Variants in ILRUN observed in about 807,000 individuals in gnomAD.
ILRUN encodes the protein protein ILRUN.
Under a neutral mutation model 33.8 loss-of-function variants are expected in ILRUN, and 3 were observed. The observed-to-expected ratio is 0.09, with a 90% CI of 0.04 to 0.23. The LOEUF (loss-of-function observed/expected upper bound fraction) is 0.23. Among genes scored for constraint, ILRUN ranks in the 10% least tolerant of loss-of-function variants. ILRUN has a pLI of 1.00. For synonymous variants in ILRUN, 124 were observed against 138.9 expected (o/e 0.89, Z 0.75); for missense variants, 210 against 375.1 (o/e 0.56, Z 3.64).
At chr6:34,624,125 C>T (rs1221001767) in intron 3 of ILRUN, among the ~76,000 whole-genome samples, 1 of 152,166 alleles carries the variant, frequency 6.6e-6, no homozygotes, top group African/African-American at 2.4e-5. Flanking sequence ...AGCCACCATG[C>T]CCAGCCTCCT....
At chr6:34,598,996 CCACA>C (rs1404354330) in intron 4 of ILRUN, among the ~76,000 whole-genome samples, 1 of 152,168 alleles carries the variant, frequency 6.6e-6, no homozygotes, top group African/African-American at 2.4e-5. Flanking sequence ...TTCTTACCGG[CCACA>C]CATTCTTTTG....
At chr6:34,600,301 T>C (rs1039655690) in intron 4 of ILRUN, among the ~76,000 whole-genome samples, 13 of 152,348 alleles carry the variant, frequency 8.5e-5, no homozygotes, top group African/African-American at 3.1e-4. Flanking sequence ...CTCCAGGCAC[T>C]GGCCTCCTTG....
At chr6:34,602,816 TTTGCGTTG>T (rs1387949337) in intron 4 of ILRUN, among the ~76,000 whole-genome samples, 2 of 152,168 alleles carry the variant, frequency 1.3e-5, no homozygotes, top group East Asian at 3.8e-4. Flanking sequence ...GAGAAGCCCC[TTTGCGTTG>T]TGGGATGCAG....
chr6:34,618,425 C>A (rs868696203), intron 3 of ILRUN, among the ~76,000 whole-genome samples: 11 of 152,268 alleles, frequency 7.2e-5, no homozygotes, highest in African/African-American at 2.6e-4. Context: ...AACACCTAAA[C>A]CCTAATTATT....
intron 1 of ILRUN, among the ~76,000 whole-genome samples, chr6:34,662,159 A>G (rs1582089645): frequency 1.7e-5 from 2 of 119,358 alleles, no homozygotes; most frequent in East Asian, 2.4e-4. Flanking sequence ...AAAAAAAATT[A>G]GCTGGGCGTG....
intron 4 of ILRUN, among the ~76,000 whole-genome samples, chr6:34,603,202 TCCTCCCTA>T (rs1761552236): frequency 6.6e-6 from 1 of 152,024 alleles, no homozygotes; most frequent in Non-Finnish European, 1.5e-5. Flanking sequence ...TAGGCACCCC[TCCTCCCTA>T]GCCAATAAAG....
chr6:34,627,960 C>G (rs1030815997), intron 3 of ILRUN, among the ~76,000 whole-genome samples: 2 of 142,352 alleles, frequency 1.4e-5, no homozygotes, highest in East Asian at 3.9e-4. Flanking sequence ...CGCCTCAGTC[C>G]CCGAAGTACT....
At chr6:34,679,531 A>G (rs987360228) in intron 1 of ILRUN, among the ~76,000 whole-genome samples, 3 of 152,252 alleles carry the variant, frequency 2.0e-5, no homozygotes, top group Non-Finnish European at 4.4e-5. Flanking sequence ...TATTAATCAT[A>G]TCTATGTAAT....
rs575048737 is a variant in ILRUN at position 34,629,365 on chromosome 6, T to A, written c.511+17236A>T. On this transcript the variant is annotated intron_variant, in intron 3 of 4. Coordinates refer to ENST00000374023, the MANE Select transcript of ILRUN (RefSeq NM_024294.4). ...AGTTGCTTGTAATATTTCTTAATTA[T>A]CCTATGTTGGCCATGTGGTCTTGAA... 1.0e-3 allele frequency among the ~76,000 whole-genome samples: 159 copies of A among 152,290 alleles called. 2 individuals carry two copies. The highest frequency in any genetic ancestry group is 6.8e-3 in the Middle Eastern group (2 of 294).
intron 1 of ILRUN, among the ~76,000 whole-genome samples, chr6:34,655,506 A>G (rs991572477): frequency 6.6e-6 from 1 of 152,128 alleles, no homozygotes; most frequent in South Asian, 2.1e-4. Context: ...TTATTCTCTT[A>G]ATACTGTATC....
chr6:34,648,040 T>C (rs1762593729), intron 2 of ILRUN, among the ~76,000 whole-genome samples: 1 of 152,216 alleles, frequency 6.6e-6, no homozygotes, highest in Non-Finnish European at 1.5e-5. Flanking sequence ...AACTAATTCA[T>C]GAGATATCTA....
rs545072365 is a variant in ILRUN, at chr6:34,628,895, T to G, written c.511+17706A>C. ...CTTTGGGAGGCCAAGACAGGAAGAC[T>G]GCTTGACCCAAGAGTTCAAGACCAG... On this transcript the variant is annotated intron_variant, in intron 3 of 4. Transcript: ENST00000374023. 2.5e-3 allele frequency among the ~76,000 whole-genome samples: 385 copies of G among 152,172 alleles called. 5 individuals are homozygous for G. Among genetic ancestry groups the G allele is most frequent in the Non-Finnish European group, 3.4e-3 (232 of 67,980 alleles).
chr6:34,681,845 A>ATTTTT (rs1168522578), intron 1 of ILRUN, among the ~76,000 whole-genome samples: 5 of 85,398 alleles, frequency 5.9e-5, no homozygotes, highest in South Asian at 4.3e-4. Context: ...CCACCACTAC[A>ATTTTT]TTTTTTTTTT....
intron 3 of ILRUN, among the ~76,000 whole-genome samples, chr6:34,624,438 C>T (rs1447469183): frequency 6.6e-6 from 1 of 152,130 alleles, no homozygotes. Context: ...ATTCTCCTGC[C>T]TTAGCCTCCC....
At chr6:34,686,977 AAAG>A (rs140742034) in intron 1 of ILRUN, 2,920 of 188,042 alleles carry the variant, frequency 0.016, 77 homozygotes, top group African/African-American at 0.048. Flanking sequence ...TTAAAACTAT[AAAG>A]AAGATTGTGC....
intron 1 of ILRUN, among the ~76,000 whole-genome samples, chr6:34,679,745 G>A (rs1033305384): frequency 5.9e-5 from 9 of 152,124 alleles, no homozygotes; most frequent in African/African-American, 2.2e-4. Flanking sequence ...TTAAGATGAG[G>A]TCATACAAGA....
At chr6:34,616,651 G>C (rs1402738169) in intron 3 of ILRUN, 2 of 1,422,270 alleles carry the variant, frequency 1.4e-6, no homozygotes, top group African/African-American at 1.4e-5. Flanking sequence ...TTGCCCAAAA[G>C]GTGCTTTGAA....
At chr6:34,599,454 T>C (rs1206064761) in intron 4 of ILRUN, among the ~76,000 whole-genome samples, 3 of 152,026 alleles carry the variant, frequency 2.0e-5, no homozygotes, top group Non-Finnish European at 2.9e-5. Context: ...TGTTACACTG[T>C]GGGGAGGGAG....
intron 4 of ILRUN, among the ~76,000 whole-genome samples, chr6:34,597,474 A>G (rs1017196094): frequency 1.3e-4 from 20 of 152,188 alleles, no homozygotes; most frequent in African/African-American, 4.6e-4. Context: ...GACACAGGAT[A>G]AGGCTGCTGG....
Sources: allele counts gnomAD v4.1 joint callset (sites outside exome capture counted in the v4.1 genomes callset), GRCh38; gene constraint gnomAD v4.1.1; transcripts MANE v1.5; gene names NCBI Gene and HGNC (gene_info 2026-07-23, HGNC 2026-07-21).